The following ZFPM2 variants were observed in gnomAD, a reference collection of about 807,000 sequenced individuals.
The protein encoded by ZFPM2 is zinc finger protein, FOG family member 2, also known as zinc finger protein ZFPM2.
ZFPM2 carries 20 observed loss-of-function variants against 98.6 expected under a neutral mutation model. The ratio of observed to expected loss-of-function variants is 0.20; its 90% confidence interval spans 0.14 to 0.29. ZFPM2 has a LOEUF of 0.29. ZFPM2 is among the 10% of genes least tolerant of loss of function. ZFPM2 has a pLI of 1.00. For synonymous variants in ZFPM2, 518 were observed against 502.7 expected (o/e 1.03, Z -0.41); for missense variants, 1,310 against 1,388.6 (o/e 0.94, Z 0.90).
chr8:105,627,125 G>A (rs1401431945), intron 4 of ZFPM2, among the ~76,000 whole-genome samples: 3 of 152,008 alleles, frequency 2.0e-5, no homozygotes, highest in Admixed American at 6.6e-5. Flanking sequence ...TTGGGCTGTC[G>A]ACTTTTATCT....
chr8:105,800,956 G>A, intron 7 of ZFPM2, 91 bp from the exon 8 acceptor site: 3 of 1,196,366 alleles, frequency 2.5e-6, no homozygotes, highest in Non-Finnish European at 3.6e-6. Context: ...TTCCTATTGT[G>A]TTGCAAACAT....
chr8:105,430,807 G>C (rs1284966574), intron 2 of ZFPM2, among the ~76,000 whole-genome samples: 1 of 152,088 alleles, frequency 6.6e-6, no homozygotes, highest in Admixed American at 6.5e-5. Flanking sequence ...TTTACCCAGA[G>C]ATGTGGAAAC....
chr8:105,760,277 G>A (rs1448591238), intron 5 of ZFPM2, among the ~76,000 whole-genome samples: 2 of 151,894 alleles, frequency 1.3e-5, no homozygotes, highest in African/African-American at 4.8e-5. Flanking sequence ...TAGTTAGGGG[G>A]TTGTATCTTT....
At chr8:105,473,515 T>C (rs1276555486) in intron 3 of ZFPM2, among the ~76,000 whole-genome samples, 3 of 152,164 alleles carry the variant, frequency 2.0e-5, no homozygotes, top group Non-Finnish European at 4.4e-5. Flanking sequence ...AGTAAATATT[T>C]AGTGATTCGA....
At chr8:105,697,622 C>T (rs905289805) in intron 5 of ZFPM2, among the ~76,000 whole-genome samples, 1 of 152,124 alleles carries the variant, frequency 6.6e-6, no homozygotes, top group Non-Finnish European at 1.5e-5. Flanking sequence ...TCTGGTATAA[C>T]TGTATTTCCT....
chr8:105,757,944 A>G (rs1414443143), intron 5 of ZFPM2, among the ~76,000 whole-genome samples: 8 of 152,088 alleles, frequency 5.3e-5, no homozygotes, highest in Non-Finnish European at 7.4e-5. Flanking sequence ...TTTTATAACC[A>G]TATCCACATG....
chr8:105,351,567 A>G (rs911560333), intron 1 of ZFPM2, among the ~76,000 whole-genome samples: 1 of 152,166 alleles, frequency 6.6e-6, no homozygotes, highest in Non-Finnish European at 1.5e-5. Flanking sequence ...CAGAATTGCC[A>G]TGAGATACAT....
At chr8:105,522,686 G>A (rs745640912) in intron 3 of ZFPM2, among the ~76,000 whole-genome samples, 3 of 151,934 alleles carry the variant, frequency 2.0e-5, no homozygotes, top group Admixed American at 6.5e-5. Context: ...CAGGAGAATC[G>A]CTTGAACCCG....
At chr8:105,530,771 G>A (rs911397077) in intron 3 of ZFPM2, among the ~76,000 whole-genome samples, 3 of 152,064 alleles carry the variant, frequency 2.0e-5, no homozygotes, top group Non-Finnish European at 4.4e-5. Context: ...TTTTGGAGGA[G>A]ACACAATTCG....
At chr8:105,495,147 G>C (rs961891243) in intron 3 of ZFPM2, among the ~76,000 whole-genome samples, 1 of 152,138 alleles carries the variant, frequency 6.6e-6, no homozygotes, top group Non-Finnish European at 1.5e-5. Context: ...CCAGTCTTCT[G>C]TTTATCAAAG....
intron 5 of ZFPM2, among the ~76,000 whole-genome samples, chr8:105,776,195 A>T (rs1165021935): frequency 6.6e-6 from 1 of 151,330 alleles, no homozygotes; most frequent in Non-Finnish European, 1.5e-5. Context: ...AGAAGAGGGG[A>T]GTTTAGGGAA....
At position 105,450,944 on chromosome 8, in the gene ZFPM2, C is replaced by T. The variant is rs182263011; in HGVS notation, c.301+6563C>T. 9.9e-5 allele frequency among the ~76,000 whole-genome samples: 15 copies of T among 151,748 alleles called. No individual in the cohort carries two copies. In the East Asian group the frequency reaches 2.3e-3, roughly 24 times the overall value. ...CTTTTATTCCCTACTCCAGTTTGCACTCTCATATAGAATTAGGACAGACAT... is the reference window on the plus strand; with the variant it reads ...CTTTTATTCCCTACTCCAGTTTGCATTCTCATATAGAATTAGGACAGACAT... On this transcript the variant is annotated intron_variant, in intron 3 of 7. Transcript: ENST00000407775.
At chr8:105,512,859 G>C (rs1242899575) in intron 3 of ZFPM2, among the ~76,000 whole-genome samples, 1 of 152,038 alleles carries the variant, frequency 6.6e-6, no homozygotes, top group Non-Finnish European at 1.5e-5. Context: ...TACATATCAT[G>C]TGCCAGAAAT....
intron 4 of ZFPM2, among the ~76,000 whole-genome samples, chr8:105,627,898 C>T (rs1163584005): frequency 6.6e-6 from 1 of 152,182 alleles, no homozygotes; most frequent in Non-Finnish European, 1.5e-5. Context: ...GATCAGTAGC[C>T]ATAATGACTA....
At chr8:105,797,185 G>C (rs139107346) in intron 6 of ZFPM2, 1 of 152,174 alleles carries the variant, frequency 6.6e-6, no homozygotes, top group African/African-American at 2.4e-5. Flanking sequence ...CCACTGATGC[G>C]GTCATGGATG....
chr8:105,688,408 G>A lies in ZFPM2; in HGVS notation c.532+54051G>A, dbSNP rs138604760. ...AGTTTTATAAATCAGGAAAATTATT[G>A]TAGGTGGTTTTATTCAAATAAAAAA... On this transcript the variant is annotated intron_variant, in intron 5 of 7. Transcript: ENST00000407775. Among the ~76,000 whole-genome samples, 38 of 152,162 alleles carry A rather than the reference G, an allele frequency of 2.5e-4. 1 individual carries two copies. In the East Asian group the frequency reaches 6.0e-3, roughly 24 times the overall value.
chr8:105,526,313 A>G (rs529875382), intron 3 of ZFPM2, among the ~76,000 whole-genome samples: 1 of 152,290 alleles, frequency 6.6e-6, no homozygotes, highest in South Asian at 2.1e-4. Context: ...TGTTAAAACC[A>G]TAAAATCCAA....
At chr8:105,507,634 T>C (rs1236187319) in intron 3 of ZFPM2, among the ~76,000 whole-genome samples, 1 of 152,250 alleles carries the variant, frequency 6.6e-6, no homozygotes, top group Non-Finnish European at 1.5e-5. Flanking sequence ...AAGTAGCTTT[T>C]ATTGGAATAG....
intron 5 of ZFPM2, among the ~76,000 whole-genome samples, chr8:105,744,036 C>A (rs1812285277): frequency 6.6e-6 from 1 of 151,978 alleles, no homozygotes; most frequent in Admixed American, 6.6e-5. Context: ...ATTAAGTAAA[C>A]CTTAAATCTT....
Sources: gnomAD v4.1 joint callset for allele counts (sites outside exome capture counted in the v4.1 genomes callset) on GRCh38, gnomAD v4.1.1 for gene constraint, MANE v1.5 for transcripts, NCBI Gene and HGNC (gene_info 2026-07-23, HGNC 2026-07-21) for gene names.